Variants in NDE1 observed in about 807,000 individuals in gnomAD.
The protein encoded by NDE1 is nudE neurodevelopment protein 1.
Under a neutral mutation model 43.4 loss-of-function variants are expected in NDE1, and 28 were observed. The observed-to-expected ratio is 0.65, with a 90% CI of 0.48 to 0.89. The LOEUF is 0.89. NDE1 is among the 40% of genes least tolerant of loss of function. The pLI is 0.00. For missense variants in NDE1, 441 were observed against 434.1 expected, an observed-to-expected ratio of 1.02 and a Z score of -0.14; for synonymous variants, 184 against 172.0, an observed-to-expected ratio of 1.07 and a Z score of -0.55.
chr16:15,667,368 C>T lies in NDE1; in HGVS notation c.166C>T (p.Gln56Ter). ...AGCTGAATTGGAGACGCAGCTGCAA[C>T]AAATTGAAACCAGGAACAGAGACCT... is the stretch of plus-strand genomic sequence containing the variant. ...YEAELETQLQ[Q>*]IETRNRDLLS... is the part of the protein sequence containing the mutation. Residue 56 changes from glutamine (Q) to a stop codon, truncating the protein, a stop_gained, in exon 3 of 9, where the codon CAA becomes TAA. Transcript: ENST00000396354. LOFTEE classifies it high-confidence loss of function. 1 of 1,614,050 alleles carries T rather than the reference C, an allele frequency of 6.2e-7. No individual in the cohort carries two copies. The highest frequency in any genetic ancestry group is 8.5e-7 in the Non-Finnish European group (1 of 1,179,992).
intron 8 of NDE1, among the ~76,000 whole-genome samples, chr16:15,705,469 C>T (rs1477077896): frequency 6.6e-6 from 1 of 152,212 alleles, no homozygotes; most frequent in African/African-American, 2.4e-5. Flanking sequence ...GATCTGCCTG[C>T]TGCCAGCCTT....
chr16:15,652,470 C>T (rs1329687894), intron 1 of NDE1, among the ~76,000 whole-genome samples: 1 of 152,190 alleles, frequency 6.6e-6, no homozygotes, highest in Non-Finnish European at 1.5e-5. Flanking sequence ...ACTACACGTG[C>T]ACCTCGTGCA....
chr16:15,717,449 C>T lies in NDE1; in HGVS notation c.948-6742C>T. The T allele has an allele frequency of 4.0e-6, 5 of 1,254,216 alleles. No homozygotes were observed. The South Asian group carries it at 6.3e-5, about 16-fold the overall frequency. 77.7% of individuals were successfully genotyped at this position (1,254,216 alleles called of 1,614,324 possible). ...GCCTTGTTTGGCCTCTGCACGAGTC[C>T]CTTGATCCCGGGCACCCTGTCCTCT... On this transcript the variant is annotated intron_variant, in intron 8 of 8. Transcript: ENST00000396354.
chr16:15,662,280 CTTTTTTTT>C (rs774915905), intron 1 of NDE1, among the ~76,000 whole-genome samples: 2 of 124,960 alleles, frequency 1.6e-5, no homozygotes, highest in Non-Finnish European at 3.4e-5. Context: ...TTTCTCTTTT[CTTTTTTTT>C]TTTTTTTTTT....
At chr16:15,717,376 C>T (rs371492167) in intron 8 of NDE1, 22 of 1,601,282 alleles carry the variant, frequency 1.4e-5, no homozygotes, top group African/African-American at 2.7e-5. Context: ...GGCCATGAGG[C>T]GGACTCAGGG....
chr16:15,726,317 C>T lies in NDE1; in HGVS notation c.*2066C>T, dbSNP rs1309079682. 6.0e-6 allele frequency: 1 copy of T among 165,768 alleles called. No individual in the cohort carries two copies. Among genetic ancestry groups the T allele is most frequent in the African/African-American group, 2.4e-5 (1 of 41,500 alleles). 10.3% of individuals were successfully genotyped at this position (165,768 alleles called of 1,614,324 possible). ...AGGATTAAGCACAGTGCCTGGCATA[C>T]AGCAGGTGCTCAATAAATACTTATC... is the stretch of plus-strand genomic sequence containing the variant. On this transcript the variant is annotated 3_prime_UTR_variant, in exon 9 of 9. Coordinates refer to ENST00000396354, the MANE Select transcript of NDE1 (RefSeq NM_017668.3).
chr16:15,699,676 G>A, intron 8 of NDE1: 2 of 1,324,050 alleles, frequency 1.5e-6, no homozygotes, highest in South Asian at 2.4e-5. Flanking sequence ...CCCGGTGCTA[G>A]CCAGTTTGTC....
chr16:15,653,822 T>C (rs980433909), intron 1 of NDE1, among the ~76,000 whole-genome samples: 18 of 151,616 alleles, frequency 1.2e-4, no homozygotes, highest in African/African-American at 4.1e-4. Flanking sequence ...CCGCCTCCCA[T>C]GCTCAAGTGA....
At position 15,725,425 on chromosome 16, in the gene NDE1, G is replaced by C. The variant is rs2040705691; in HGVS notation, c.*1174G>C. The stretch of plus-strand genomic sequence containing the variant: ...GATGGTACTTGAACGTCCCAGGGAT[G>C]CTGTCCCATCCCTTCCTTCCTCACT... On this transcript the variant is annotated 3_prime_UTR_variant, in exon 9 of 9. Coordinates refer to ENST00000396354, the MANE Select transcript of NDE1 (RefSeq NM_017668.3). The C allele has an allele frequency of 2.0e-6, 1 of 491,862 alleles. No individual in the cohort carries two copies. Among genetic ancestry groups the C allele is most frequent in the South Asian group, 4.2e-5 (1 of 23,556 alleles). The allele number at this position is 491,862 out of a possible 1,614,324, so 30.5% of individuals were successfully genotyped here.
At chr16:15,690,872 A>G (rs1222630657) in intron 5 of NDE1, among the ~76,000 whole-genome samples, 1 of 152,114 alleles carries the variant, frequency 6.6e-6, no homozygotes, top group Non-Finnish European at 1.5e-5. Flanking sequence ...CGCTGGAGCA[A>G]TCTCAGCTCA....
intron 8 of NDE1, chr16:15,721,144 G>C (rs1012733504): frequency 5.1e-5 from 73 of 1,431,288 alleles, no homozygotes; most frequent in Non-Finnish European, 6.7e-5. Flanking sequence ...GGAGATCAGG[G>C]AGGTGGCTTT....
At chr16:15,718,297 T>C (rs1431987054) in intron 8 of NDE1, 3 of 1,607,600 alleles carry the variant, frequency 1.9e-6, no homozygotes, top group Non-Finnish European at 2.5e-6. Flanking sequence ...GTGACTGTGG[T>C]GTCCAGGCGG....
At chr16:15,649,753 T>A (rs1235170316), upstream of NDE1, among the ~76,000 whole-genome samples, 1 of 152,192 alleles carries the variant, frequency 6.6e-6, no homozygotes, top group East Asian at 1.9e-4. Context: ...TGCACTACGT[T>A]CTCCTGCTTC....
In NDE1 at chr16:15,725,016, A is replaced by G; in HGVS notation, c.*765A>G. Reference sequence around the variant, plus strand: ...TTCTAAGGGTGCCAAGAGACTGGTTAGTCAAAGCCTCTAGAAGGGGATCCT... The same window carrying G: ...TTCTAAGGGTGCCAAGAGACTGGTTGGTCAAAGCCTCTAGAAGGGGATCCT... On this transcript the variant is annotated 3_prime_UTR_variant, in exon 9 of 9. Transcript: ENST00000396354. 2 of 1,603,842 alleles carry G rather than the reference A, an allele frequency of 1.2e-6. No individual in the cohort carries two copies. Among genetic ancestry groups the G allele is most frequent in the Non-Finnish European group, 1.7e-6 (2 of 1,171,716 alleles).
chr16:15,701,237 C>CA (rs34788809), intron 8 of NDE1: 2,392 of 136,718 alleles, frequency 0.017, 66 homozygotes, highest in African/African-American at 0.059. Flanking sequence ...ACTCCGTCTC[C>CA]AAAAAAAAAA....
Position 15,721,002 on chromosome 16 carries a change from T to G in NDE1, c.948-3189T>G, listed in dbSNP as rs1555551985. 1.2e-6 allele frequency: 2 copies of G among 1,614,016 alleles called. No homozygotes were observed. Among genetic ancestry groups the G allele is most frequent in the Non-Finnish European group, 1.7e-6 (2 of 1,180,012 alleles). ...CAGCTCTTCCAGCTGCGTCTTCATC[T>G]CCTCCATCTGGGTCTCCAGGGCCCG... On this transcript the variant is annotated intron_variant, in intron 8 of 8. Transcript: ENST00000396354.
chr16:15,672,301 C>T (rs964432387), intron 3 of NDE1, among the ~76,000 whole-genome samples: 3 of 151,972 alleles, frequency 2.0e-5, no homozygotes, highest in Admixed American at 1.3e-4. Context: ...GGCATGGTGG[C>T]GCACACCTGT....
intron 3 of NDE1, among the ~76,000 whole-genome samples, chr16:15,671,395 AG>A (rs1431050897): frequency 6.6e-6 from 1 of 152,156 alleles, no homozygotes; most frequent in Non-Finnish European, 1.5e-5. Context: ...CTGTAGTCTA[AG>A]CTACTCAAGA....
chr16:15,721,088 C>T (rs780691490), intron 8 of NDE1: 1 of 1,603,342 alleles, frequency 6.2e-7, no homozygotes, highest in Non-Finnish European at 8.5e-7. Context: ...CTATGAGGCT[C>T]AACTTCATGA....
Sources: gnomAD v4.1 joint callset for allele counts (sites outside exome capture counted in the v4.1 genomes callset) on GRCh38, gnomAD v4.1.1 for gene constraint, MANE v1.5 for transcripts, NCBI Gene and HGNC (gene_info 2026-07-23, HGNC 2026-07-21) for gene names.